Variants in PSME4 observed in about 807,000 individuals in gnomAD.
The protein encoded by PSME4 is proteasome activator complex subunit 4.
In PSME4, 89 loss-of-function variants were observed where a neutral mutation model predicts 253.9. That is an observed-to-expected ratio of 0.35 (90% confidence interval 0.30 to 0.42). PSME4 has a LOEUF of 0.42. Among genes scored for constraint, PSME4 ranks in the 10% least tolerant of loss-of-function variants. PSME4 has a pLI of 1.00. For missense variants in PSME4, 2,014 were observed against 2,195.2 expected (o/e 0.92, Z 1.65); for synonymous variants, 851 against 759.2 (o/e 1.12, Z -1.99).
intron 12 of PSME4, among the ~76,000 whole-genome samples, chr2:53,926,316 C>A (rs1004680839): frequency 6.6e-6 from 1 of 152,154 alleles, no homozygotes; most frequent in Non-Finnish European, 1.5e-5. Context: ...CTGATTTTTG[C>A]AAAGTCTAGT....
intron 13 of PSME4, 59 bp from the exon 14 acceptor site, chr2:53,925,748 TG>T: frequency 2.6e-6 from 4 of 1,518,560 alleles, no homozygotes; most frequent in Non-Finnish European, 2.7e-6. Context: ...ACATTTTTGG[TG>T]GTCATCAGGT....
rs1262466958 is a variant in PSME4 at position 53,901,505 on chromosome 2, G to A, written c.3130C>T (p.His1044Tyr). Reference sequence around the variant, plus strand: ...GTCTGTACAATACAGTCCCAATCATGAAGGTTTGCCAAGCACACACCACTG... The same window carrying A: ...GTCTGTACAATACAGTCCCAATCATAAAGGTTTGCCAAGCACACACCACTG... ...NHSGVCLANL[H>Y]DWDCIVQTWP... The change falls in exon 28 of 47, where the codon CAT becomes TAT. Residue 1044 changes from histidine (H) to tyrosine (Y), a missense_variant. His to Tyr is a moderately conservative substitution (Grantham distance 83). Around this residue, in one of 4 missense-constraint regions of PSME4, gnomAD observed 989 missense variants for 1,021.1 expected, o/e 0.97. Transcript: ENST00000404125. 1 of 1,613,954 alleles carries A rather than the reference G, an allele frequency of 6.2e-7. No individual in the cohort carries two copies. Among genetic ancestry groups the A allele is most frequent in the Non-Finnish European group, 8.5e-7 (1 of 1,179,934 alleles).
chr2:53,908,173 CATG>C, intron 24 of PSME4, 144 bp downstream of exon 24: 9 of 592,464 alleles, frequency 1.5e-5, no homozygotes. Context: ...TGATTTCTAC[CATG>C]ATGTTTTTAA....
chr2:53,876,592 T>C (rs556969846), intron 41 of PSME4, among the ~76,000 whole-genome samples: 55 of 151,762 alleles, frequency 3.6e-4, no homozygotes, highest in African/African-American at 1.3e-3. Context: ...CTTATATATA[T>C]ATATATAAGC....
intron 20 of PSME4, among the ~76,000 whole-genome samples, chr2:53,914,299 C>G (rs1667960578): frequency 6.6e-6 from 1 of 152,062 alleles, no homozygotes. Flanking sequence ...AGGCAAGGGT[C>G]CAAAATTCCT....
At chr2:53,927,001 A>G (rs1334509666) in intron 12 of PSME4, among the ~76,000 whole-genome samples, 1 of 152,094 alleles carries the variant, frequency 6.6e-6, no homozygotes, top group Non-Finnish European at 1.5e-5. Flanking sequence ...GAAAGAAAGA[A>G]AGAAGTTTTG....
chr2:53,922,931 A>T (rs1338031850), intron 16 of PSME4, 118 bp downstream of exon 16: 2 of 885,200 alleles, frequency 2.3e-6, no homozygotes, highest in African/African-American at 3.5e-5. Flanking sequence ...ATTTTCCCCA[A>T]ATTGCCAATC....
rs1678503766 is a variant in PSME4, at chr2:53,865,093, G to C, written c.*485C>G. ...GCCCTCTTTTCCTTCCCTCTTCATG[G>C]CTCTCCAGACCCAAGGTTCTCAAGG... On this transcript the variant is annotated 3_prime_UTR_variant, in exon 47 of 47. Transcript: ENST00000404125. The C allele has an allele frequency of 6.6e-6, 1 of 152,488 alleles. No homozygotes were observed. Among genetic ancestry groups the C allele is most frequent in the Non-Finnish European group, 1.5e-5 (1 of 68,048 alleles). 9.4% of individuals were successfully genotyped at this position (152,488 alleles called of 1,614,324 possible).
intron 29 of PSME4, 46 bp from the exon 30 acceptor site, chr2:53,898,400 A>G (rs1165071267): frequency 2.2e-6 from 3 of 1,361,104 alleles, no homozygotes; most frequent in Admixed American, 2.1e-5. Flanking sequence ...TACTAAAATG[A>G]ACATCAAAAA....
intron 37 of PSME4, 121 bp downstream of exon 37, chr2:53,889,983 C>CTT (rs750408618): frequency 8.0e-5 from 62 of 771,196 alleles, no homozygotes; most frequent in Non-Finnish European, 1.3e-4. Context: ...AAAATAAAAA[C>CTT]AATTAAAAAA....
At chr2:53,908,057 T>C (rs1667650420) in intron 24 of PSME4, 2 of 382,152 alleles carry the variant, frequency 5.2e-6, no homozygotes, top group Admixed American at 8.5e-5. Context: ...TCTTACAAGG[T>C]AGTCTCAATG....
chr2:53,928,450 G>T (rs1218671024), intron 10 of PSME4, 147 bp from the exon 11 acceptor site: 8 of 646,832 alleles, frequency 1.2e-5, no homozygotes, highest in Non-Finnish European at 2.0e-5. Flanking sequence ...TGCAATCAAA[G>T]TTAACAATTA....
intron 34 of PSME4, among the ~76,000 whole-genome samples, chr2:53,894,213 A>G (rs1010171948): frequency 6.6e-6 from 1 of 152,196 alleles, no homozygotes; most frequent in Non-Finnish European, 1.5e-5. Flanking sequence ...AAAAAGTTAC[A>G]ATACCATTAA....
At chr2:53,963,587 C>T (rs1392681445) in intron 1 of PSME4, among the ~76,000 whole-genome samples, 1 of 152,098 alleles carries the variant, frequency 6.6e-6, no homozygotes, top group Non-Finnish European at 1.5e-5. Flanking sequence ...AGGATTGAGT[C>T]TAAGTCTTCA....
At position 53,865,151 on chromosome 2, in the gene PSME4, A is replaced by T. The variant is rs1678506507; in HGVS notation, c.*427T>A. 1 of 152,586 alleles carries T rather than the reference A, an allele frequency of 6.6e-6. No individual in the cohort carries two copies. The highest frequency in any genetic ancestry group is 2.4e-5 in the African/African-American group (1 of 41,414). The allele number at this position is 152,586 out of a possible 1,614,324, so 9.5% of individuals were successfully genotyped here. A position where few individuals can be genotyped will look rare whatever the true frequency, so the allele number is the denominator to read the frequency against. The stretch of plus-strand genomic sequence containing the variant: ...TTTATGGCCCACAGCCCCTATTACC[A>T]CCTAAATCCAGCAGCCATTTGGGAA... On this transcript the variant is annotated 3_prime_UTR_variant, in exon 47 of 47. Coordinates refer to ENST00000404125, the MANE Select transcript of PSME4 (RefSeq NM_014614.3).
chr2:53,875,947 T>G (rs554466260), intron 41 of PSME4, among the ~76,000 whole-genome samples, 192 bp from the exon 42 acceptor site: 5 of 152,258 alleles, frequency 3.3e-5, no homozygotes, highest in African/African-American at 1.2e-4. Context: ...TCATAATCTT[T>G]TGTTTCATTT....
chr2:53,913,370 G>A (rs1667916064), intron 20 of PSME4, among the ~76,000 whole-genome samples: 2 of 152,168 alleles, frequency 1.3e-5, no homozygotes, highest in Admixed American at 6.5e-5. Context: ...AAGAAGGGAT[G>A]CTGAAAAAGA....
chr2:53,966,811 T>C (rs866342592), intron 1 of PSME4, among the ~76,000 whole-genome samples: 29 of 152,124 alleles, frequency 1.9e-4, no homozygotes, highest in African/African-American at 6.5e-4. Flanking sequence ...GCGATTCTCC[T>C]GCCTCAGCCT....
At chr2:53,923,728 G>C (rs1270677376) in intron 14 of PSME4, among the ~76,000 whole-genome samples, 2 of 151,886 alleles carry the variant, frequency 1.3e-5, no homozygotes, top group Non-Finnish European at 2.9e-5. Flanking sequence ...CTCAAGACCA[G>C]CCTGGCCAAC....
Sources: allele counts gnomAD v4.1 joint callset (sites outside exome capture counted in the v4.1 genomes callset), GRCh38; gene constraint gnomAD v4.1.1; regional missense constraint gnomAD v4.1.1; transcripts MANE v1.5; gene names NCBI Gene and HGNC (gene_info 2026-07-23, HGNC 2026-07-21).